Variants in ITGA9 observed in about 807,000 individuals in gnomAD.
ITGA9 encodes integrin subunit alpha 9, also known as integrin alpha-9.
In ITGA9, 56 loss-of-function variants were observed where a neutral mutation model predicts 127.8. That is an observed-to-expected ratio of 0.44 (90% confidence interval 0.35 to 0.55). The LOEUF is 0.55. Among genes scored for constraint, ITGA9 ranks in the 20% least tolerant of loss-of-function variants. ITGA9 has a pLI of 0.00. For missense variants in ITGA9, 1,196 were observed against 1,347.1 expected (o/e 0.89, Z 1.76); for synonymous variants, 508 against 514.5 (o/e 0.99, Z 0.17).
intron 23 of ITGA9, among the ~76,000 whole-genome samples, chr3:37,759,414 C>T (rs1696696520): frequency 6.6e-6 from 1 of 151,950 alleles, no homozygotes; most frequent in South Asian, 2.1e-4. Flanking sequence ...TTGGATTTAA[C>T]AAAGACTTCA....
At chr3:37,792,188 G>A (rs183685161) in intron 26 of ITGA9, among the ~76,000 whole-genome samples, 38 of 152,224 alleles carry the variant, frequency 2.5e-4, no homozygotes, top group African/African-American at 8.2e-4. Flanking sequence ...CCAAACACAC[G>A]AGTCATATTT....
intron 27 of ITGA9, 95 bp from the exon 28 acceptor site, chr3:37,818,796 C>A: frequency 5.7e-6 from 5 of 874,308 alleles, no homozygotes; most frequent in Non-Finnish European, 9.7e-6. Flanking sequence ...CCTGTGAGTG[C>A]AGGTCACACC....
chr3:37,646,820 G>A (rs917115162), intron 16 of ITGA9, among the ~76,000 whole-genome samples: 1 of 152,114 alleles, frequency 6.6e-6, no homozygotes, highest in African/African-American at 2.4e-5. Flanking sequence ...CCAAGCTGGA[G>A]CTATTGGGAT....
chr3:37,574,084 T>C (rs1699629286), intron 15 of ITGA9, among the ~76,000 whole-genome samples: 1 of 152,228 alleles, frequency 6.6e-6, no homozygotes, highest in Non-Finnish European at 1.5e-5. Flanking sequence ...TCCCAGTCAA[T>C]GTCCTGTCTT....
chr3:37,584,740 G>T (rs576519253), intron 15 of ITGA9, among the ~76,000 whole-genome samples: 1 of 152,184 alleles, frequency 6.6e-6, no homozygotes, highest in African/African-American at 2.4e-5. Flanking sequence ...GGGCAACAGA[G>T]TGAGACTCCA....
chr3:37,738,362 A>C (rs1220771213), intron 20 of ITGA9, among the ~76,000 whole-genome samples: 4 of 152,168 alleles, frequency 2.6e-5, no homozygotes, highest in African/African-American at 9.7e-5. Flanking sequence ...GCCCTGTTAC[A>C]CCTGTGTAGG....
At chr3:37,585,955 T>C (rs553459021) in intron 15 of ITGA9, among the ~76,000 whole-genome samples, 2 of 152,344 alleles carry the variant, frequency 1.3e-5, no homozygotes, top group African/African-American at 4.8e-5. Context: ...GAGTCATATT[T>C]GGGAAGCACT....
At chr3:37,549,471 A>G (rs935347863) in intron 15 of ITGA9, among the ~76,000 whole-genome samples, 1 of 152,212 alleles carries the variant, frequency 6.6e-6, no homozygotes, top group Admixed American at 6.5e-5. Context: ...TGCAGTTTGT[A>G]GCAATTGCTA....
At position 37,653,736 on chromosome 3, in the gene ITGA9, G is replaced by A. The variant is rs779583800; in HGVS notation, c.1862G>A (p.Arg621His). 11 of 1,613,592 alleles carry A rather than the reference G, an allele frequency of 6.8e-6. No homozygotes were observed. In the African/African-American group the frequency reaches 8.0e-5, roughly 12 times the overall value. Residue 621 changes from arginine to histidine, a missense_variant, in exon 17 of 28, where the codon CGT becomes CAT. Physicochemically the swap from Arg to His is conservative, Grantham distance 29. Coordinates refer to ENST00000264741, the MANE Select transcript of ITGA9 (RefSeq NM_002207.3). Reference sequence around the variant, plus strand: ...CAGACTGTTTTTGAAAGGAATTGCCGTTCAGAGGACTGTGCCGCAGACCTG... The same window carrying A: ...CAGACTGTTTTTGAAAGGAATTGCCATTCAGAGGACTGTGCCGCAGACCTG... The part of the protein sequence containing the change: ...KNQTVFERNC[R>H]SEDCAADLQL...
intron 15 of ITGA9, among the ~76,000 whole-genome samples, chr3:37,604,255 T>A (rs529467055): frequency 2.6e-5 from 4 of 152,338 alleles, no homozygotes; most frequent in Admixed American, 1.3e-4. Flanking sequence ...AGTGTAGACA[T>A]GAGGCTTAGA....
At chr3:37,566,155 C>T (rs1444027695) in intron 15 of ITGA9, among the ~76,000 whole-genome samples, 1 of 152,144 alleles carries the variant, frequency 6.6e-6, no homozygotes, top group Non-Finnish European at 1.5e-5. Flanking sequence ...GTACAATAGT[C>T]CCCCCTTATC....
intron 15 of ITGA9, among the ~76,000 whole-genome samples, chr3:37,595,768 A>G (rs1699864225): frequency 6.6e-6 from 1 of 152,214 alleles, no homozygotes; most frequent in African/African-American, 2.4e-5. Context: ...CCCAGTTTTT[A>G]TGAACATTCT....
chr3:37,750,294 T>C (rs560761024), intron 22 of ITGA9, among the ~76,000 whole-genome samples, 168 bp from the exon 23 acceptor site: 1 of 152,380 alleles, frequency 6.6e-6, no homozygotes, highest in East Asian at 1.9e-4. Flanking sequence ...TTTGTTGAAA[T>C]TTCCCGTCAT....
At chr3:37,464,499 C>T (rs11925798) in intron 1 of ITGA9, among the ~76,000 whole-genome samples, 8,247 of 152,196 alleles carry the variant, frequency 0.054, 335 homozygotes, top group South Asian at 0.076. Context: ...TTTGCTTAAA[C>T]CTTACAAGAA....
At chr3:37,627,110 C>T (rs1211217557) in intron 15 of ITGA9, among the ~76,000 whole-genome samples, 3 of 152,138 alleles carry the variant, frequency 2.0e-5, no homozygotes, top group Admixed American at 6.5e-5. Context: ...GTTCAAGAGG[C>T]GTTTTCTGGA....
chr3:37,658,315 A>G (rs1199356207), intron 17 of ITGA9, among the ~76,000 whole-genome samples: 2 of 152,118 alleles, frequency 1.3e-5, no homozygotes, highest in Non-Finnish European at 2.9e-5. Flanking sequence ...ATTGTGTGGG[A>G]GTCTAAGTCT....
intron 18 of ITGA9, among the ~76,000 whole-genome samples, chr3:37,724,526 G>A (rs896515206): frequency 3.9e-5 from 6 of 151,922 alleles, no homozygotes; most frequent in Admixed American, 6.5e-5. Flanking sequence ...ACAGAGTTTC[G>A]CTCTTGTTGC....
chr3:37,510,605 A>G (rs1255073994), intron 8 of ITGA9, among the ~76,000 whole-genome samples: 1 of 152,056 alleles, frequency 6.6e-6, no homozygotes, highest in African/African-American at 2.4e-5. Context: ...ACTTGTCTAA[A>G]CTTCCTGAAG....
At chr3:37,605,917 A>C (rs1198991158) in intron 15 of ITGA9, among the ~76,000 whole-genome samples, 1 of 152,096 alleles carries the variant, frequency 6.6e-6, no homozygotes, top group Non-Finnish European at 1.5e-5. Context: ...TCTGTTCTCC[A>C]TCTGTAGGTG....
Sources: gnomAD v4.1 joint callset for allele counts (sites outside exome capture counted in the v4.1 genomes callset) on GRCh38, gnomAD v4.1.1 for gene constraint, MANE v1.5 for transcripts, NCBI Gene and HGNC (gene_info 2026-07-23, HGNC 2026-07-21) for gene names.